Variants in LPP observed in about 807,000 individuals in gnomAD.
LPP encodes lipoma-preferred partner.
A neutral mutation model predicts 60.4 loss-of-function variants in LPP; 38 were observed. That is an observed-to-expected ratio of 0.63 (90% confidence interval 0.49 to 0.83). The LOEUF is 0.83. Ranked by LOEUF, LPP falls within the 40% of genes least tolerant of loss-of-function variation. The probability of loss-of-function intolerance (pLI) is 0.00; values close to 1 mark genes in which losing one functional copy is unlikely to be tolerated. For missense variants in LPP, 902 were observed against 783.6 expected (o/e 1.15, Z -1.80); for synonymous variants, 328 against 290.8 (o/e 1.13, Z -1.30).
At chr3:188,660,145 G>A (rs1854248933) in intron 7 of LPP, among the ~76,000 whole-genome samples, 1 of 151,936 alleles carries the variant, frequency 6.6e-6, no homozygotes, top group Admixed American at 6.6e-5. Flanking sequence ...TTGCTTTTTG[G>A]TTTTACATTC....
Position 188,260,322 on chromosome 3 carries a change from C to T in LPP, c.-67+34795C>T, listed in dbSNP as rs181735248. Among the ~76,000 whole-genome samples, 421 of 152,236 alleles carry T rather than the reference C, an allele frequency of 2.8e-3. 2 individuals carry two copies. The highest frequency in any genetic ancestry group is 4.8e-3 in the Non-Finnish European group (324 of 68,010). ...CCTCACAAAGTGCTGGGATTAGAGG[C>T]GTGAGCCACTGTGCCTGGCCACTTC... On this transcript the variant is annotated intron_variant, in intron 2 of 11. Transcript: ENST00000617246.
At chr3:188,760,884 T>C (rs1488166176) in intron 9 of LPP, among the ~76,000 whole-genome samples, 2 of 152,246 alleles carry the variant, frequency 1.3e-5, no homozygotes, top group African/African-American at 4.8e-5. Context: ...AATCATTGTT[T>C]TCTTTTATTA....
At chr3:188,184,952 A>G (rs1390083751) in intron 1 of LPP, among the ~76,000 whole-genome samples, 2 of 152,096 alleles carry the variant, frequency 1.3e-5, no homozygotes, top group Non-Finnish European at 2.9e-5. Context: ...CTTGGACGTA[A>G]GAAGAGAGAG....
chr3:188,755,092 T>C (rs1729698117), intron 8 of LPP, among the ~76,000 whole-genome samples: 1 of 152,220 alleles, frequency 6.6e-6, no homozygotes, highest in Non-Finnish European at 1.5e-5. Flanking sequence ...TCGAAGAATG[T>C]GCTTAATGGG....
At chr3:188,740,308 A>C (rs901238355) in intron 8 of LPP, among the ~76,000 whole-genome samples, 8 of 152,100 alleles carry the variant, frequency 5.3e-5, no homozygotes, top group Non-Finnish European at 8.8e-5. Flanking sequence ...TGTGGACTTT[A>C]GAGTGTACTT....
intron 9 of LPP, among the ~76,000 whole-genome samples, chr3:188,856,729 A>T (rs1256516023): frequency 2.0e-5 from 3 of 152,172 alleles, no homozygotes; most frequent in Non-Finnish European, 2.9e-5. Flanking sequence ...CCTCAATGAA[A>T]CTGGTCTAAA....
intron 8 of LPP, among the ~76,000 whole-genome samples, chr3:188,727,401 G>A (rs564843710): frequency 2.0e-5 from 3 of 152,144 alleles, no homozygotes; most frequent in Non-Finnish European, 4.4e-5. Context: ...TTCTGGTGAT[G>A]ACCACGGGTA....
At chr3:188,413,594 G>A (rs981899833) in intron 4 of LPP, among the ~76,000 whole-genome samples, 1 of 152,100 alleles carries the variant, frequency 6.6e-6, no homozygotes, top group African/African-American at 2.4e-5. Context: ...TAATTTTCAG[G>A]TCCTCAGGGG....
chr3:188,754,293 A>C (rs1332890609), intron 8 of LPP, among the ~76,000 whole-genome samples: 1 of 152,238 alleles, frequency 6.6e-6, no homozygotes, highest in Non-Finnish European at 1.5e-5. Context: ...CTGCTCATGT[A>C]TATTTTCAAT....
At chr3:188,533,383 CTT>C (rs1048212112) in intron 6 of LPP, among the ~76,000 whole-genome samples, 1 of 152,192 alleles carries the variant, frequency 6.6e-6, no homozygotes, top group African/African-American at 2.4e-5. Flanking sequence ...AGACTAGAAA[CTT>C]TGCTGTTTCT....
chr3:188,235,311 A>G (rs1172624013), intron 2 of LPP, among the ~76,000 whole-genome samples: 1 of 152,126 alleles, frequency 6.6e-6, no homozygotes, highest in Non-Finnish European at 1.5e-5. Flanking sequence ...ATGTTTATGG[A>G]AAATGCTTAA....
At chr3:188,484,269 A>G (rs1461104114) in intron 4 of LPP, among the ~76,000 whole-genome samples, 1 of 152,090 alleles carries the variant, frequency 6.6e-6, no homozygotes, top group Non-Finnish European at 1.5e-5. Context: ...TTGATTGAAA[A>G]TGTATTGAGG....
intron 6 of LPP, among the ~76,000 whole-genome samples, chr3:188,574,194 C>T (rs769357752): frequency 6.6e-6 from 1 of 152,108 alleles, no homozygotes; most frequent in Admixed American, 6.6e-5. Flanking sequence ...GGTCACTTCA[C>T]CTCTCTGTCT....
intron 7 of LPP, among the ~76,000 whole-genome samples, chr3:188,686,446 A>C (rs999835804): frequency 3.9e-5 from 6 of 152,204 alleles, no homozygotes; most frequent in Non-Finnish European, 7.3e-5. Context: ...ATGGGCATAG[A>C]TACTGGGTGG....
intron 5 of LPP, among the ~76,000 whole-genome samples, chr3:188,516,867 A>T (rs935212973): frequency 3.3e-5 from 5 of 152,084 alleles, no homozygotes; most frequent in African/African-American, 1.2e-4. Context: ...GGTTCTGTAT[A>T]GGCTAATGTT....
intron 6 of LPP, among the ~76,000 whole-genome samples, chr3:188,607,413 ATAT>A (rs1420698429): frequency 6.0e-4 from 22 of 36,642 alleles, no homozygotes; most frequent in African/African-American, 1.5e-3. Flanking sequence ...ATATATATAT[ATAT>A]AATTTTTTTT....
At chr3:188,618,147 C>A (rs942792401) in intron 7 of LPP, among the ~76,000 whole-genome samples, 1 of 152,154 alleles carries the variant, frequency 6.6e-6, no homozygotes, top group African/African-American at 2.4e-5. Flanking sequence ...GTCCCACATA[C>A]AAAGATTTAC....
chr3:188,169,756 G>A (rs1721013976), intron 1 of LPP, among the ~76,000 whole-genome samples: 1 of 152,152 alleles, frequency 6.6e-6, no homozygotes, highest in Admixed American at 6.5e-5. Flanking sequence ...TATGCTTTGG[G>A]GAAAGCTGCT....
At chr3:188,253,308 C>G (rs532199793) in intron 2 of LPP, among the ~76,000 whole-genome samples, 2 of 151,970 alleles carry the variant, frequency 1.3e-5, no homozygotes, top group Non-Finnish European at 2.9e-5. Flanking sequence ...GGACTTTGTT[C>G]GTAGTTAGAG....
Sources: allele counts gnomAD v4.1 joint callset (sites outside exome capture counted in the v4.1 genomes callset), GRCh38; gene constraint gnomAD v4.1.1; transcripts MANE v1.5; gene names NCBI Gene and HGNC (gene_info 2026-07-23, HGNC 2026-07-21).